Variants in COL10A1 observed in about 807,000 individuals in gnomAD.
The protein encoded by COL10A1 is collagen type X alpha 1 chain, also known as collagen alpha-1(X) chain.
In COL10A1, 10 loss-of-function variants were observed where a neutral mutation model predicts 18.2. That is an observed-to-expected ratio of 0.55 (90% CI 0.34 to 0.93). The LOEUF is 0.93. Among genes scored for constraint, COL10A1 ranks in the 40% least tolerant of loss-of-function variants. The pLI is 0.02. For missense variants in COL10A1, 897 were observed against 853.5 expected (o/e 1.05, Z -0.64); for synonymous variants, 330 against 316.6 (o/e 1.04, Z -0.45).
chr6:116,146,550 G>A (rs1779901622), intron 1 of COL10A1, among the ~76,000 whole-genome samples: 1 of 152,126 alleles, frequency 6.6e-6, no homozygotes, highest in Non-Finnish European at 1.5e-5. Context: ...ATGTGCCAGG[G>A]GGAAGAGAAG....
the COL10A1 span, among the ~76,000 whole-genome samples, chr6:116,189,224 C>T: frequency 6.6e-6 from 1 of 151,386 alleles, no homozygotes; most frequent in Non-Finnish European, 1.5e-5. Context: ...AAAAGTTTTA[C>T]TTCTATTTAT....
At chr6:116,163,137 A>ATAT (rs1554197055), upstream of COL10A1, among the ~76,000 whole-genome samples, 11,668 of 103,566 alleles carry the variant, frequency 0.11, 662 homozygotes, top group East Asian at 0.2. Context: ...AAAAAAAAAA[A>ATAT]AAAAATATAT....
chr6:116,163,699 A>T (rs547353384), upstream of COL10A1, among the ~76,000 whole-genome samples: 3 of 152,164 alleles, frequency 2.0e-5, no homozygotes, highest in South Asian at 4.1e-4. Context: ...TTTGTTAGGT[A>T]CATCATTTGG....
At chr6:116,190,185 C>T in the COL10A1 span, among the ~76,000 whole-genome samples, 1 of 151,852 alleles carries the variant, frequency 6.6e-6, no homozygotes, top group African/African-American at 2.4e-5. Context: ...TTCATTTTCT[C>T]CTCTTCCCAT....
chr6:116,163,941 C>T, the COL10A1 span, among the ~76,000 whole-genome samples: 1 of 152,002 alleles, frequency 6.6e-6, no homozygotes, highest in African/African-American at 2.4e-5. Flanking sequence ...TAATTTTATT[C>T]TGCTATATTC....
chr6:116,176,701 G>T, the COL10A1 span, among the ~76,000 whole-genome samples: 1 of 152,208 alleles, frequency 6.6e-6, no homozygotes, highest in East Asian at 1.9e-4. Flanking sequence ...TGTTGGACTT[G>T]CTGCCCTTCC....
At chr6:116,163,722 GATCT>G (rs1200019670), upstream of COL10A1, among the ~76,000 whole-genome samples, 1 of 152,002 alleles carries the variant, frequency 6.6e-6, no homozygotes, top group South Asian at 2.1e-4. Flanking sequence ...GCGAATTTGA[GATCT>G]ATCTTTTTGA....
rs1562124190 is a variant in COL10A1 at position 116,121,350 on chromosome 6, C to T, written c.766G>A (p.Gly256Arg). Residue 256 changes from glycine (G) to arginine (R), a missense_variant, in exon 3 of 3, where the codon GGG becomes AGG. Coordinates refer to ENST00000651968, the MANE Select transcript of COL10A1 (RefSeq NM_000493.4). ...IGPPGPQGPP[G>R]ERGPEGIGKP... Reference sequence around the variant, plus strand: ...CCAATGCCTTCTGGCCCTCGTTCCCCAGGAGGGCCTTGGGGACCTGGTGGG... The same window carrying T: ...CCAATGCCTTCTGGCCCTCGTTCCCTAGGAGGGCCTTGGGGACCTGGTGGG... The T allele has an allele frequency of 6.2e-7, 1 of 1,614,118 alleles. No individual in the cohort carries two copies. Among genetic ancestry groups the T allele is most frequent in the Non-Finnish European group, 8.5e-7 (1 of 1,180,012 alleles).
At chr6:116,143,120 A>G (rs936160248) in intron 1 of COL10A1, among the ~76,000 whole-genome samples, 1 of 152,202 alleles carries the variant, frequency 6.6e-6, no homozygotes, top group Non-Finnish European at 1.5e-5. Context: ...AATGCCTGAT[A>G]AATTTGCCTC....
the COL10A1 span, among the ~76,000 whole-genome samples, chr6:116,194,186 A>C: frequency 2.6e-5 from 4 of 152,132 alleles, no homozygotes; most frequent in African/African-American, 9.6e-5. Context: ...GATTTTGAGC[A>C]GTTGTGAAAA....
At chr6:116,192,393 A>G in the COL10A1 span, among the ~76,000 whole-genome samples, 1 of 152,012 alleles carries the variant, frequency 6.6e-6, no homozygotes, top group East Asian at 1.9e-4. Context: ...TGCCATTTCT[A>G]CTTTAAAGGG....
chr6:116,216,973 T>C, the COL10A1 span, among the ~76,000 whole-genome samples: 51 of 152,266 alleles, frequency 3.3e-4, no homozygotes, highest in African/African-American at 1.2e-3. Flanking sequence ...CAACAGACCT[T>C]ATTTGGAGGC....
At chr6:116,214,679 C>G in the COL10A1 span, among the ~76,000 whole-genome samples, 2 of 152,060 alleles carry the variant, frequency 1.3e-5, no homozygotes, top group Admixed American at 1.3e-4. Flanking sequence ...ACCCACTACT[C>G]TACCAAAAGT....
At chr6:116,204,249 A>G in the COL10A1 span, among the ~76,000 whole-genome samples, 1 of 152,082 alleles carries the variant, frequency 6.6e-6, no homozygotes, top group East Asian at 1.9e-4. Flanking sequence ...TAACTTCATA[A>G]ATAGCCCTCA....
the COL10A1 span, among the ~76,000 whole-genome samples, chr6:116,192,670 A>T: frequency 6.6e-6 from 1 of 152,026 alleles, no homozygotes; most frequent in Non-Finnish European, 1.5e-5. Context: ...TTTGTAACTG[A>T]ATTTTGAGGT....
In COL10A1 at chr6:116,121,622, C is replaced by T. The variant is rs1321584294; in HGVS notation, c.494G>A (p.Gly165Glu). The T allele has an allele frequency of 6.2e-7, 1 of 1,613,964 alleles. No individual in the cohort carries two copies. The change falls in exon 3 of 3, where the codon GGA (glycine) becomes GAA (glutamate). Residue 165 changes from glycine to glutamate, a missense_variant. Transcript: ENST00000651968. Reference sequence around the variant, plus strand: ...AGGAAAGCCCCTGGGTCCTGGGGCTCCTGTGGGTCCCTGTTGTCCAGGTTT... The same window carrying T: ...AGGAAAGCCCCTGGGTCCTGGGGCTTCTGTGGGTCCCTGTTGTCCAGGTTT... ...PGKPGQQGPTGAPGPRGFPGE... is the reference protein window; with the variant it reads ...PGKPGQQGPTEAPGPRGFPGE...
At chr6:116,123,957 T>C (rs1779213542) in intron 2 of COL10A1, among the ~76,000 whole-genome samples, 1 of 152,216 alleles carries the variant, frequency 6.6e-6, no homozygotes, top group Non-Finnish European at 1.5e-5. Flanking sequence ...ATGGAAACTA[T>C]TGAATCCAGT....
intron 1 of COL10A1, among the ~76,000 whole-genome samples, chr6:116,155,052 A>G (rs944201525): frequency 6.6e-6 from 1 of 152,160 alleles, no homozygotes; most frequent in Non-Finnish European, 1.5e-5. Context: ...TTTGACAGGG[A>G]GTATACAGAC....
intron 1 of COL10A1, among the ~76,000 whole-genome samples, chr6:116,148,421 A>G (rs4946138): frequency 0.51 from 77,582 of 152,004 alleles, 20,920 homozygotes; most frequent in African/African-American, 0.69. Flanking sequence ...ACTTTTTGGA[A>G]CATTTGAATA....
Sources: allele counts gnomAD v4.1 joint callset (sites outside exome capture counted in the v4.1 genomes callset), GRCh38; gene constraint gnomAD v4.1.1; transcripts MANE v1.5; gene names NCBI Gene and HGNC (gene_info 2026-07-23, HGNC 2026-07-21).